The following OPCML variants were observed in gnomAD, a reference collection of about 807,000 sequenced individuals.
The protein encoded by OPCML is opioid-binding protein/cell adhesion molecule.
Under a neutral mutation model 37.8 loss-of-function variants are expected in OPCML, and 13 were observed. That is an observed-to-expected ratio of 0.34 (90% CI 0.22 to 0.55). OPCML has a LOEUF of 0.55. OPCML is among the 20% of genes least tolerant of loss of function. The probability of loss-of-function intolerance (pLI) is 0.91; values close to 1 mark genes in which losing one functional copy is unlikely to be tolerated. For synonymous variants in OPCML, 176 were observed against 168.8 expected, an observed-to-expected ratio of 1.04 and a Z score of -0.33; for missense variants, 341 against 435.6, an observed-to-expected ratio of 0.78 and a Z score of 1.93.
intron 1 of OPCML, among the ~76,000 whole-genome samples, chr11:133,071,907 G>A (rs2137011275): frequency 6.6e-6 from 1 of 152,250 alleles, no homozygotes; most frequent in Non-Finnish European, 1.5e-5. Context: ...TCCTCCTATT[G>A]TATAAATGTG....
intron 1 of OPCML, among the ~76,000 whole-genome samples, chr11:133,102,705 G>GC (rs941154626): frequency 4.5e-4 from 68 of 152,132 alleles, no homozygotes; most frequent in Non-Finnish European, 6.6e-4. Context: ...AGCTGAGATC[G>GC]CCCCACTGCA....
chr11:132,617,099 C>T (rs537803710), intron 3 of OPCML, among the ~76,000 whole-genome samples: 11 of 152,272 alleles, frequency 7.2e-5, no homozygotes, highest in Admixed American at 5.2e-4. Flanking sequence ...TAGTCCTACT[C>T]GAAACATTCT....
At chr11:132,702,101 C>T (rs1397214692) in intron 2 of OPCML, among the ~76,000 whole-genome samples, 1 of 152,084 alleles carries the variant, frequency 6.6e-6, no homozygotes, top group Admixed American at 6.6e-5. Context: ...TATTTACACA[C>T]CACTCTTCTG....
rs143497454 is a variant in OPCML, at chr11:132,709,475, C to G, written c.147-52156G>C. ...AGTTTTTCCACTGATTTCCAGGACT[C>G]CATCCACCATCTCACAGTGCATTTA... On this transcript the variant is annotated intron_variant, in intron 2 of 7. Coordinates refer to ENST00000524381, the MANE Select transcript of OPCML (RefSeq NM_001012393.5). 1.9e-3 allele frequency among the ~76,000 whole-genome samples: 296 copies of G among 152,290 alleles called. 3 individuals carry two copies. The highest frequency in any genetic ancestry group is 6.7e-3 in the African/African-American group (278 of 41,568).
At chr11:132,764,166 T>A (rs967678146) in intron 2 of OPCML, among the ~76,000 whole-genome samples, 2 of 152,232 alleles carry the variant, frequency 1.3e-5, no homozygotes, top group Admixed American at 6.5e-5. Flanking sequence ...AAGAAATGCC[T>A]ATTACCAGCT....
At chr11:132,777,710 A>G (rs911605716) in intron 2 of OPCML, among the ~76,000 whole-genome samples, 11 of 152,272 alleles carry the variant, frequency 7.2e-5, no homozygotes, top group African/African-American at 2.6e-4. Context: ...AGGAGAGGAA[A>G]GAGTGGAGCA....
intron 1 of OPCML, among the ~76,000 whole-genome samples, chr11:133,061,773 TTCTCA>T (rs1158352013): frequency 1.3e-5 from 2 of 152,234 alleles, no homozygotes; most frequent in Non-Finnish European, 2.9e-5. Context: ...AAAAGGGATC[TTCTCA>T]TCTCTTCTTT....
At chr11:133,005,702 G>T (rs11601484) in intron 1 of OPCML, 145,637 of 972,664 alleles carry the variant, frequency 0.15, 11,294 homozygotes, top group African/African-American at 0.16. Flanking sequence ...ATCTAATCCA[G>T]ATTTTTCTTA....
chr11:133,311,978 T>G (rs1039183038), intron 1 of OPCML, among the ~76,000 whole-genome samples: 2 of 152,090 alleles, frequency 1.3e-5, no homozygotes, highest in Admixed American at 1.3e-4. Flanking sequence ...GGGGCTTTAT[T>G]CACTCTGCTG....
chr11:133,467,306 G>A (rs992674173), intron 1 of OPCML, among the ~76,000 whole-genome samples: 1 of 152,118 alleles, frequency 6.6e-6, no homozygotes, highest in Non-Finnish European at 1.5e-5. Flanking sequence ...AAGTTGTCAT[G>A]GGGTTCCTAG....
chr11:133,492,932 C>T (rs79840014), intron 1 of OPCML, among the ~76,000 whole-genome samples: 2 of 152,260 alleles, frequency 1.3e-5, no homozygotes, highest in South Asian at 2.1e-4. Context: ...TAGAAAGGCA[C>T]ACTGGAGAAT....
intron 3 of OPCML, among the ~76,000 whole-genome samples, chr11:132,650,746 A>G (rs2135749415): frequency 6.6e-6 from 1 of 152,284 alleles, no homozygotes; most frequent in Middle Eastern, 3.4e-3. Context: ...TTAGGAGCCG[A>G]GCGCAGGGCT....
At chr11:133,226,312 G>A (rs963888150) in intron 1 of OPCML, among the ~76,000 whole-genome samples, 3 of 152,240 alleles carry the variant, frequency 2.0e-5, no homozygotes, top group African/African-American at 7.2e-5. Flanking sequence ...TATAATCTGT[G>A]GTTCTAAAAA....
chr11:133,140,250 G>A (rs1399245654), intron 1 of OPCML, among the ~76,000 whole-genome samples: 3 of 144,328 alleles, frequency 2.1e-5, no homozygotes, highest in Non-Finnish European at 3.0e-5. Context: ...GGTGGCTTAC[G>A]CCTGTAATCC....
rs67176157 is a variant in OPCML at position 132,632,241 on chromosome 11, ATTTTTTTTT to A, written c.379+24837_379+24845del. On this transcript the variant is annotated intron_variant, in intron 3 of 7. Coordinates refer to ENST00000524381, the MANE Select transcript of OPCML (RefSeq NM_001012393.5). Reference sequence around the variant, plus strand: ...GCCTCAGGCATCTTTATTCAAACACATTTTTTTTTTTTTTTTTTTTTTTTGGAGGGAGCA... The same window carrying A: ...GCCTCAGGCATCTTTATTCAAACACATTTTTTTTTTTTTTTGGAGGGAGCA... Among the ~76,000 whole-genome samples the A allele has an allele frequency of 8.1e-5, 9 of 111,580 alleles. 1 individual carries two copies. The allele number at this position is 111,580 out of a possible 152,430, so 73.2% of individuals were successfully genotyped here.
chr11:132,472,071 C>T (rs1380789815), intron 4 of OPCML, among the ~76,000 whole-genome samples: 1 of 152,188 alleles, frequency 6.6e-6, no homozygotes, highest in South Asian at 2.1e-4. Context: ...ATTCAACACT[C>T]AGCTTGGGGG....
At chr11:133,058,368 G>C (rs541421502) in intron 1 of OPCML, among the ~76,000 whole-genome samples, 1 of 152,330 alleles carries the variant, frequency 6.6e-6, no homozygotes, top group African/African-American at 2.4e-5. Context: ...AGATGCAGGA[G>C]AGCATGGTGT....
intron 1 of OPCML, among the ~76,000 whole-genome samples, chr11:132,970,197 G>C (rs561345446): frequency 1.1e-4 from 16 of 152,120 alleles, no homozygotes; most frequent in African/African-American, 3.9e-4. Flanking sequence ...TTCATTATGT[G>C]TTTTCAAAAT....
At chr11:133,306,010 C>G (rs185624774) in intron 1 of OPCML, among the ~76,000 whole-genome samples, 100 of 152,260 alleles carry the variant, frequency 6.6e-4, no homozygotes, top group Non-Finnish European at 1.4e-3. Context: ...GCCTTAAGAG[C>G]CTTTGAAAGC....
Sources: allele counts gnomAD v4.1 joint callset (sites outside exome capture counted in the v4.1 genomes callset), GRCh38; gene constraint gnomAD v4.1.1; transcripts MANE v1.5; gene names NCBI Gene and HGNC (gene_info 2026-07-23, HGNC 2026-07-21).